The following KCNH7 variants were observed in gnomAD, a reference collection of about 807,000 sequenced individuals.
The protein encoded by KCNH7 is voltage-gated inwardly rectifying potassium channel KCNH7.
A neutral mutation model predicts 120.8 loss-of-function variants in KCNH7; 49 were observed. The ratio of observed to expected loss-of-function variants is 0.41; its 90% CI spans 0.32 to 0.51. The LOEUF (loss-of-function observed/expected upper bound fraction) is 0.51. Among genes scored for constraint, KCNH7 ranks in the 20% least tolerant of loss-of-function variants. The pLI is 0.38. For missense variants in KCNH7, 1,097 were observed against 1,446.6 expected (o/e 0.76, Z 3.92); for synonymous variants, 547 against 516.1 (o/e 1.06, Z -0.81).
At chr2:162,747,752 G>A (rs1014961633) in intron 2 of KCNH7, among the ~76,000 whole-genome samples, 2 of 152,084 alleles carry the variant, frequency 1.3e-5, no homozygotes, top group African/African-American at 2.4e-5. Context: ...TTCTATTATA[G>A]AATGGAATCC....
intron 6 of KCNH7, among the ~76,000 whole-genome samples, chr2:162,463,029 G>T (rs1044067403): frequency 3.3e-5 from 5 of 151,972 alleles, no homozygotes; most frequent in Non-Finnish European, 7.4e-5. Context: ...AGTAGTTGAT[G>T]AGTCTTACTT....
At chr2:162,744,998 T>C (rs1362765135) in intron 2 of KCNH7, among the ~76,000 whole-genome samples, 1 of 152,226 alleles carries the variant, frequency 6.6e-6, no homozygotes, top group African/African-American at 2.4e-5. Context: ...ACAAACACTT[T>C]GCAAGAGAAG....
chr2:162,647,291 G>A (rs1212093028), intron 2 of KCNH7, among the ~76,000 whole-genome samples: 1 of 152,094 alleles, frequency 6.6e-6, no homozygotes. Context: ...TGGTGTGTAT[G>A]TGTTCCAGTG....
At chr2:162,593,213 G>A (rs1302231173) in intron 2 of KCNH7, among the ~76,000 whole-genome samples, 1 of 152,012 alleles carries the variant, frequency 6.6e-6, no homozygotes, top group Non-Finnish European at 1.5e-5. Flanking sequence ...TGGCCCATGG[G>A]CCTTAATTTT....
chr2:162,725,506 T>A (rs1183578283), intron 2 of KCNH7, among the ~76,000 whole-genome samples: 3 of 152,200 alleles, frequency 2.0e-5, no homozygotes, highest in Non-Finnish European at 4.4e-5. Context: ...GCAGTCTTTT[T>A]ACCAAAGGTA....
In KCNH7 at chr2:162,517,797, C is replaced by T. The variant is rs369255891; in HGVS notation, c.825G>A (p.Ser275=). 1.4e-5 allele frequency: 22 copies of T among 1,605,472 alleles called. No individual in the cohort carries two copies. Among genetic ancestry groups the T allele is most frequent in the Middle Eastern group, 1.7e-4 (1 of 6,046 alleles). The change falls in exon 4 of 16, where the codon TCG becomes TCA. Residue 275 remains serine, a synonymous_variant. Transcript: ENST00000332142. ...CGCCGAATCCTTCTATATCATGGACCGAAGATGCTCTCCGTATACTACATA... is the reference window on the plus strand; with the variant it reads ...CGCCGAATCCTTCTATATCATGGACTGAAGATGCTCTCCGTATACTACATA... ...ESLCSIRRAS[S]VHDIEGFGVH...
intron 7 of KCNH7, among the ~76,000 whole-genome samples, chr2:162,441,302 C>T (rs1168439997): frequency 3.3e-5 from 5 of 152,104 alleles, no homozygotes; most frequent in East Asian, 1.9e-4. Flanking sequence ...GTTCAGCTGT[C>T]GAAATGCTCA....
At chr2:162,571,474 G>C (rs977133820) in intron 2 of KCNH7, among the ~76,000 whole-genome samples, 3 of 143,894 alleles carry the variant, frequency 2.1e-5, no homozygotes, top group Non-Finnish European at 3.0e-5. Flanking sequence ...TACTGCCCAA[G>C]GTAATTTACA....
chr2:162,422,589 G>A lies in KCNH7; in HGVS notation c.2154+747C>T, dbSNP rs540693893. ...CAAATTGCAAGGTAAAAGAATGTGG[G>A]CAATTCTCCTAATAATAAAAAGAGG... On this transcript the variant is annotated intron_variant, in intron 9 of 15. Coordinates refer to ENST00000332142, the MANE Select transcript of KCNH7 (RefSeq NM_033272.4). Among the ~76,000 whole-genome samples the A allele has an allele frequency of 3.3e-5, 5 of 152,068 alleles. No homozygotes were observed. The East Asian group carries it at 9.7e-4, about 29-fold the overall frequency.
intron 2 of KCNH7, among the ~76,000 whole-genome samples, chr2:162,696,482 G>T (rs1205031859): frequency 6.6e-6 from 1 of 152,104 alleles, no homozygotes; most frequent in Non-Finnish European, 1.5e-5. Context: ...AATTCCTGGA[G>T]TCCTGATATG....
chr2:162,553,493 C>CA (rs1257446532), intron 2 of KCNH7, among the ~76,000 whole-genome samples: 1 of 151,910 alleles, frequency 6.6e-6, no homozygotes, highest in Non-Finnish European at 1.5e-5. Flanking sequence ...ACTAAAAATA[C>CA]AAAAAATTAG....
At chr2:162,418,561 C>T (rs540636100) in intron 9 of KCNH7, among the ~76,000 whole-genome samples, 16 of 152,238 alleles carry the variant, frequency 1.1e-4, no homozygotes, top group Middle Eastern at 3.4e-3. Context: ...CATTATACTT[C>T]GCTATGGTGT....
intron 2 of KCNH7, among the ~76,000 whole-genome samples, chr2:162,821,330 G>A (rs1685115296): frequency 6.6e-6 from 1 of 152,168 alleles, no homozygotes; most frequent in African/African-American, 2.4e-5. Flanking sequence ...CTTCAACATG[G>A]AATTTACAGA....
chr2:162,411,610 G>A (rs1457069015), intron 9 of KCNH7, among the ~76,000 whole-genome samples: 1 of 151,362 alleles, frequency 6.6e-6, no homozygotes, highest in African/African-American at 2.4e-5. Context: ...AAATAAAAGT[G>A]GAAGAAAGAA....
intron 13 of KCNH7, among the ~76,000 whole-genome samples, chr2:162,380,651 T>A (rs995746105): frequency 4.6e-5 from 7 of 152,184 alleles, no homozygotes; most frequent in African/African-American, 1.7e-4. Flanking sequence ...CCCTTTACCA[T>A]AATTATATTG....
At chr2:162,838,370 T>C in intron 1 of KCNH7, 73 bp downstream of exon 1, 6 of 1,318,028 alleles carry the variant, frequency 4.6e-6, no homozygotes, top group Non-Finnish European at 6.6e-6. Context: ...TCTCCCCACC[T>C]TGGAAGCGGT....
chr2:162,732,234 T>G (rs1262293587), intron 2 of KCNH7, among the ~76,000 whole-genome samples: 1 of 152,042 alleles, frequency 6.6e-6, no homozygotes, highest in East Asian at 1.9e-4. Context: ...TGAGCTGATA[T>G]TAGTAGTTAA....
chr2:162,586,469 T>A (rs1337768205), intron 2 of KCNH7, among the ~76,000 whole-genome samples: 1 of 151,924 alleles, frequency 6.6e-6, no homozygotes, highest in Admixed American at 6.6e-5. Flanking sequence ...CCATCTCCCC[T>A]CAAAATCTGA....
intron 2 of KCNH7, among the ~76,000 whole-genome samples, chr2:162,821,671 C>A (rs943719041): frequency 6.6e-6 from 1 of 152,178 alleles, no homozygotes; most frequent in Non-Finnish European, 1.5e-5. Flanking sequence ...TTTCTTCTTT[C>A]ACTTTAAAAA....
Sources: allele counts gnomAD v4.1 joint callset (sites outside exome capture counted in the v4.1 genomes callset), GRCh38; gene constraint gnomAD v4.1.1; transcripts MANE v1.5; gene names NCBI Gene and HGNC (gene_info 2026-07-23, HGNC 2026-07-21).